Variants in IGFL2 observed in about 807,000 individuals in gnomAD.
IGFL2 encodes IGF like family member 2, also known as insulin growth factor-like family member 2.
Under a neutral mutation model 13.9 loss-of-function variants are expected in IGFL2, and 7 were observed. The ratio of observed to expected loss-of-function variants is 0.51; its 90% CI spans 0.29 to 0.95. The LOEUF is 0.95. IGFL2 is among the 40% of genes least tolerant of loss of function. IGFL2 has a pLI of 0.08. For synonymous variants in IGFL2, 55 were observed against 55.8 expected (o/e 0.99, Z 0.07); for missense variants, 138 against 147.8 (o/e 0.93, Z 0.34).
At chr19:46,103,325 A>G in the IGFL2 span, among the ~76,000 whole-genome samples, 2 of 152,204 alleles carry the variant, frequency 1.3e-5, no homozygotes, top group South Asian at 2.1e-4. Flanking sequence ...AAAGCCAACA[A>G]TCGTTTGTTA....
the IGFL2 span, among the ~76,000 whole-genome samples, chr19:46,211,380 C>T: frequency 6.6e-6 from 1 of 152,228 alleles, no homozygotes. Context: ...GGAAACCCGG[C>T]CTTCCTTCTA....
At chr19:46,096,792 A>G in the IGFL2 span, among the ~76,000 whole-genome samples, 2 of 152,108 alleles carry the variant, frequency 1.3e-5, no homozygotes, top group Non-Finnish European at 1.5e-5. Context: ...GGTTTTTGTC[A>G]TTAGTTCTGT....
intron 1 of IGFL2, 153 bp from the exon 2 acceptor site, chr19:46,160,262 T>A (rs975148627): frequency 3.0e-6 from 2 of 664,214 alleles, no homozygotes; most frequent in Non-Finnish European, 5.4e-6. Flanking sequence ...CTCTTAACTG[T>A]GTCAGTTAGA....
At chr19:46,137,732 T>A in the IGFL2 span, among the ~76,000 whole-genome samples, 2 of 152,222 alleles carry the variant, frequency 1.3e-5, no homozygotes, top group African/African-American at 2.4e-5. Context: ...AATGCTTTTT[T>A]AAATTTTTGT....
chr19:46,155,693 T>G (rs903191744), intron 1 of IGFL2, among the ~76,000 whole-genome samples: 2 of 152,214 alleles, frequency 1.3e-5, no homozygotes, highest in Non-Finnish European at 2.9e-5. Flanking sequence ...TTGTGTGAGA[T>G]AAGGGTCAAG....
At chr19:46,091,883 A>G in the IGFL2 span, among the ~76,000 whole-genome samples, 98 of 152,338 alleles carry the variant, frequency 6.4e-4, no homozygotes, top group African/African-American at 2.1e-3. Context: ...ATTTTTATAT[A>G]AAAATAAAGT....
chr19:46,198,041 T>TACTG, the IGFL2 span: 1 of 108,990 alleles, frequency 9.2e-6, no homozygotes, highest in Admixed American at 1.0e-4. Context: ...CTTCCTTCCT[T>TACTG]CCTGCCTTCC....
intron 1 of IGFL2, chr19:46,160,185 T>C (rs902079648): frequency 1.8e-6 from 1 of 561,312 alleles, no homozygotes; most frequent in African/African-American, 1.9e-5. Flanking sequence ...AACGAAGATA[T>C]TCCAAGAGTT....
the IGFL2 span, among the ~76,000 whole-genome samples, chr19:46,119,784 C>G: frequency 1.3e-5 from 2 of 148,346 alleles, no homozygotes; most frequent in African/African-American, 5.1e-5. Context: ...CAATTGCTCA[C>G]CAGTGGGTGG....
chr19:46,142,738 G>C (rs999057843), upstream of IGFL2, among the ~76,000 whole-genome samples: 2 of 152,214 alleles, frequency 1.3e-5, no homozygotes, highest in African/African-American at 4.8e-5. Flanking sequence ...TGTATGTACA[G>C]ACAAGCCCAG....
upstream of IGFL2, among the ~76,000 whole-genome samples, chr19:46,139,460 A>G (rs75887803): frequency 8.5e-3 from 1,295 of 152,156 alleles, 8 homozygotes; most frequent in Middle Eastern, 0.044. Flanking sequence ...GGTTCCAGAA[A>G]TGTTAAAAAT....
At chr19:46,152,143 C>T (rs10407057) in intron 1 of IGFL2, among the ~76,000 whole-genome samples, 80,314 of 151,826 alleles carry the variant, frequency 0.53, 21,789 homozygotes, top group Middle Eastern at 0.63. Flanking sequence ...AATTATATTC[C>T]TAATTTCATA....
the IGFL2 span, among the ~76,000 whole-genome samples, chr19:46,115,707 T>C: frequency 6.6e-6 from 1 of 152,140 alleles, no homozygotes; most frequent in Non-Finnish European, 1.5e-5. Context: ...TACAGAAAAT[T>C]AATGTATGGG....
the IGFL2 span, among the ~76,000 whole-genome samples, chr19:46,099,614 T>C: frequency 2.0e-5 from 3 of 151,922 alleles, no homozygotes; most frequent in African/African-American, 7.2e-5. Context: ...CTGCAACCTC[T>C]GCCCCCCGAG....
the IGFL2 span, chr19:46,136,743 G>A: frequency 1.7e-6 from 1 of 572,698 alleles, no homozygotes; most frequent in Non-Finnish European, 3.4e-6. Context: ...CTTGAAAATG[G>A]GTTAAGCTGT....
the IGFL2 span, among the ~76,000 whole-genome samples, chr19:46,087,495 A>G: frequency 6.6e-6 from 1 of 152,088 alleles, no homozygotes; most frequent in South Asian, 2.1e-4. Flanking sequence ...CAGATGATGT[A>G]TGTAGGCACT....
the IGFL2 span, among the ~76,000 whole-genome samples, chr19:46,181,542 T>C: frequency 6.6e-6 from 1 of 152,244 alleles, no homozygotes; most frequent in Admixed American, 6.5e-5. Context: ...CACTGATCTT[T>C]GAGAGAGTTT....
upstream of IGFL2, chr19:46,148,215 G>A (rs1260510460): frequency 6.8e-7 from 1 of 1,463,338 alleles, no homozygotes; most frequent in Non-Finnish European, 9.4e-7. Flanking sequence ...GCCTACATAA[G>A]TCCCTGTATA....
At chr19:46,119,004 C>G in the IGFL2 span, among the ~76,000 whole-genome samples, 1 of 152,016 alleles carries the variant, frequency 6.6e-6, no homozygotes, top group Non-Finnish European at 1.5e-5. Context: ...TACTCAACAC[C>G]CTGCTATGGG....
Sources: gnomAD v4.1 joint callset for allele counts (sites outside exome capture counted in the v4.1 genomes callset) on GRCh38, gnomAD v4.1.1 for gene constraint, MANE v1.5 for transcripts, NCBI Gene and HGNC (gene_info 2026-07-23, HGNC 2026-07-21) for gene names.